CC2D2A: variants seen among roughly 807,000 people sequenced by gnomAD.
CC2D2A encodes the protein coiled-coil and C2 domain containing 2A.
In CC2D2A, 155 loss-of-function variants were observed where a neutral mutation model predicts 212.9. The ratio of observed to expected loss-of-function variants is 0.73; its 90% CI spans 0.64 to 0.83. The LOEUF is 0.83. CC2D2A is among the 40% of genes least tolerant of loss of function. The pLI is 0.00. For synonymous variants in CC2D2A, 667 were observed against 686.5 expected (o/e 0.97, Z 0.44); for missense variants, 1,856 against 1,956.2 (o/e 0.95, Z 0.97).
At chr4:15,487,997 C>A (rs567886622) in intron 4 of CC2D2A, among the ~76,000 whole-genome samples, 27 of 152,028 alleles carry the variant, frequency 1.8e-4, no homozygotes, top group African/African-American at 5.5e-4. Flanking sequence ...CTACTTATAT[C>A]TTTTTGTACT....
At position 15,480,893 on chromosome 4, in the gene CC2D2A, G is replaced by T; in HGVS notation, c.247+66G>T. ...CCTACTGTGAGCTCAGCACAGAGCA[G>T]TATAGGGATTTTTTATGGGTGTTAT... is the stretch of plus-strand genomic sequence containing the variant. On this transcript the variant is annotated intron_variant, in intron 4 of 36. Transcript: ENST00000424120. 3 of 1,537,274 alleles carry T rather than the reference G, an allele frequency of 2.0e-6. No individual in the cohort carries two copies. In the African/African-American group the frequency reaches 4.2e-5, roughly 21 times the overall value.
chr4:15,552,926 C>T (rs1432541871), intron 18 of CC2D2A, among the ~76,000 whole-genome samples: 1 of 152,114 alleles, frequency 6.6e-6, no homozygotes, highest in African/African-American at 2.4e-5. Flanking sequence ...GCAGGTGGAC[C>T]CACTCGAGAG....
At position 15,478,026 on chromosome 4, in the gene CC2D2A, TCACCCAGGGG is replaced by T. The variant is rs1238405581; in HGVS notation, c.40-693_40-684del. Among the ~76,000 whole-genome samples the T allele has an allele frequency of 3.9e-5, 6 of 152,358 alleles. No individual in the cohort carries two copies. The East Asian group carries it at 9.6e-4, about 24-fold the overall frequency. Reference sequence around the variant, plus strand: ...TTCTGTTTATCTTGCAACTTTTTGTTCACCCAGGGGCACTTGTGCCCCAGTCTATAAAACT... The same window carrying T: ...TTCTGTTTATCTTGCAACTTTTTGTTCACTTGTGCCCCAGTCTATAAAACT... On this transcript the variant is annotated intron_variant, in intron 2 of 36. Coordinates refer to ENST00000424120, the MANE Select transcript of CC2D2A (RefSeq NM_001378615.1).
intron 5 of CC2D2A, 43 bp downstream of exon 5, chr4:15,502,560 A>G (rs1238267630): frequency 4.0e-6 from 6 of 1,502,850 alleles, no homozygotes; most frequent in African/African-American, 2.8e-5. Flanking sequence ...GCTGATTGCA[A>G]TCTTCCAGGG....
At chr4:15,484,347 G>C (rs1241321482) in intron 4 of CC2D2A, among the ~76,000 whole-genome samples, 1 of 152,184 alleles carries the variant, frequency 6.6e-6, no homozygotes, top group East Asian at 1.9e-4. Context: ...AAAATCAGAA[G>C]GGAGGAGGGG....
intron 14 of CC2D2A, among the ~76,000 whole-genome samples, chr4:15,534,600 T>C (rs1718024052): frequency 6.6e-6 from 1 of 152,224 alleles, no homozygotes; most frequent in African/African-American, 2.4e-5. Context: ...TGTTGGTCCC[T>C]TTCTGATTGT....
chr4:15,479,099 CCT>C (rs1714442222), intron 3 of CC2D2A: 1 of 752,034 alleles, frequency 1.3e-6, no homozygotes, highest in Admixed American at 2.0e-5. Flanking sequence ...ATGGAAGGAG[CCT>C]GTTTTAGTGC....
intron 6 of CC2D2A, among the ~76,000 whole-genome samples, chr4:15,507,235 T>C (rs1716315118): frequency 1.3e-5 from 2 of 152,194 alleles, no homozygotes; most frequent in East Asian, 1.9e-4. Flanking sequence ...TTCTGTACAA[T>C]TGAGTTGGTA....
chr4:15,519,905 G>T, intron 11 of CC2D2A: 1 of 230,424 alleles, frequency 4.3e-6, no homozygotes, highest in South Asian at 5.6e-5. Flanking sequence ...CATATCACTG[G>T]GACTGCCTCC....
At chr4:15,566,165 G>T in intron 24 of CC2D2A, among the ~76,000 whole-genome samples, 1 of 152,202 alleles carries the variant, frequency 6.6e-6, no homozygotes, top group Admixed American at 6.6e-5. Context: ...AGACTCTCTG[G>T]ATTTGATCTT....
At chr4:15,558,745 A>G (rs1719416973) in intron 21 of CC2D2A, among the ~76,000 whole-genome samples, 1 of 152,128 alleles carries the variant, frequency 6.6e-6, no homozygotes, top group Non-Finnish European at 1.5e-5. Context: ...AGACAAAGCC[A>G]GATGTATGCA....
chr4:15,486,909 TG>T (rs1715032952), intron 4 of CC2D2A, among the ~76,000 whole-genome samples: 1 of 152,042 alleles, frequency 6.6e-6, no homozygotes, highest in Non-Finnish European at 1.5e-5. Context: ...ACCCAATTGT[TG>T]TTCTGGAGTG....
chr4:15,476,557 T>G (rs1714227166), intron 2 of CC2D2A, among the ~76,000 whole-genome samples: 1 of 152,218 alleles, frequency 6.6e-6, no homozygotes, highest in African/African-American at 2.4e-5. Flanking sequence ...GCAGTCCTGC[T>G]GACATTCCAA....
chr4:15,589,441 G>A, intron 32 of CC2D2A, 104 bp from the exon 33 acceptor site: 1 of 991,284 alleles, frequency 1.0e-6, no homozygotes, highest in East Asian at 2.7e-5. Context: ...TGAAATTTCA[G>A]AAATTAAGGG....
intron 28 of CC2D2A, among the ~76,000 whole-genome samples, chr4:15,571,286 C>T (rs889062291): frequency 4.6e-5 from 7 of 152,146 alleles, no homozygotes; most frequent in Non-Finnish European, 8.8e-5. Context: ...TGCAGAGACA[C>T]GCTTAACAAA....
rs751624828 is a variant in CC2D2A at position 15,589,574 on chromosome 4, G to C, written c.4209G>C (p.Glu1403Asp). ...CAACTGCCTATGTGCTAACTTGGGA[G>C]CAAGGTCGTTATTTAATATGGAATC... ...EGPTAYVLTWEQGRYLIWNPC... is the reference protein window; with the variant it reads ...EGPTAYVLTWDQGRYLIWNPC... Residue 1403 changes from glutamate to aspartate, a missense_variant, in exon 33 of 37, where the codon GAG (glutamate) becomes GAC (aspartate). Physicochemically the swap from Glu to Asp is conservative, Grantham distance 45. Coordinates refer to ENST00000424120, the MANE Select transcript of CC2D2A (RefSeq NM_001378615.1). The C allele has an allele frequency of 1.2e-6, 2 of 1,612,456 alleles. No individual in the cohort carries two copies. The highest frequency in any genetic ancestry group is 2.2e-5 in the South Asian group (2 of 90,868).
Position 15,480,776 on chromosome 4 carries a change from G to C in CC2D2A, c.196G>C (p.Glu66Gln). 1 of 1,613,442 alleles carries C rather than the reference G, an allele frequency of 6.2e-7. No homozygotes were observed. Among genetic ancestry groups the C allele is most frequent in the Non-Finnish European group, 8.5e-7 (1 of 1,179,700 alleles). The change falls in exon 4 of 37, where the codon GAG becomes CAG. Residue 66 changes from glutamate (E) to glutamine (Q), a missense_variant. Glu to Gln is a conservative substitution (Grantham distance 29, BLOSUM62 2). Coordinates refer to ENST00000424120, the MANE Select transcript of CC2D2A (RefSeq NM_001378615.1). ...HLGNPQEPVQ[E>Q]EPKTRLLSMT... is the part of the protein sequence containing the mutation. ...TGGCAACCCCCAGGAGCCTGTGCAG[G>C]AGGAGCCCAAGACCCGCCTCCTGAG...
intron 30 of CC2D2A, among the ~76,000 whole-genome samples, chr4:15,581,005 A>G (rs1236311904): frequency 6.6e-6 from 1 of 152,186 alleles, no homozygotes; most frequent in Admixed American, 6.5e-5. Context: ...AGAGCACCAT[A>G]CCCATCACAA....
chr4:15,481,937 T>C lies in CC2D2A; in HGVS notation c.247+1110T>C, dbSNP rs142632190. On this transcript the variant is annotated intron_variant, in intron 4 of 36. Transcript: ENST00000424120. ...GTGACCTTGCCATTGAGGACACATA[T>C]ACTTCTCCCCCTACACACGCCTTTT... The C allele has an allele frequency of 1.7e-4, 172 of 985,442 alleles. No individual in the cohort carries two copies. The African/African-American group carries it at 2.9e-3, about 16-fold the overall frequency. 61.0% of individuals were successfully genotyped at this position (985,442 alleles called of 1,614,324 possible).
Sources: allele counts gnomAD v4.1 joint callset (sites outside exome capture counted in the v4.1 genomes callset), GRCh38; gene constraint gnomAD v4.1.1; transcripts MANE v1.5; gene names NCBI Gene and HGNC (gene_info 2026-07-23, HGNC 2026-07-21).